The following HMCN1 variants were observed in gnomAD, a reference collection of about 807,000 sequenced individuals.
HMCN1 encodes hemicentin-1.
A neutral mutation model predicts 625.9 loss-of-function variants in HMCN1; 321 were observed. That is an observed-to-expected ratio of 0.51 (90% CI 0.47 to 0.56). The LOEUF is 0.56. HMCN1 is among the 20% of genes least tolerant of loss of function. HMCN1 has a pLI of 0.00. For missense variants in HMCN1, 6,588 were observed against 6,887.3 expected, an observed-to-expected ratio of 0.96 and a Z score of 1.54; for synonymous variants, 2,425 against 2,417.6, an observed-to-expected ratio of 1.00 and a Z score of -0.09.
At chr1:185,762,249 T>TG (rs1655560069) in intron 1 of HMCN1, among the ~76,000 whole-genome samples, 1 of 152,208 alleles carries the variant, frequency 6.6e-6, no homozygotes, top group Non-Finnish European at 1.5e-5. Context: ...AAGATCTCCA[T>TG]ATATTTTTTA....
intron 1 of HMCN1, among the ~76,000 whole-genome samples, chr1:185,790,699 C>T (rs1657928016): frequency 6.6e-6 from 1 of 152,160 alleles, no homozygotes; most frequent in Non-Finnish European, 1.5e-5. Flanking sequence ...GCATCCCTGG[C>T]CTCCAGGCAC....
At chr1:185,818,090 A>G (rs987331435) in intron 1 of HMCN1, among the ~76,000 whole-genome samples, 7 of 149,542 alleles carry the variant, frequency 4.7e-5, no homozygotes, top group Non-Finnish European at 9.0e-5. Context: ...AGATTTCCCC[A>G]CCTTTATGAG....
chr1:186,119,439 T>A, intron 78 of HMCN1, 141 bp downstream of exon 78: 1 of 757,230 alleles, frequency 1.3e-6, no homozygotes, highest in Non-Finnish European at 2.3e-6. Flanking sequence ...TGGTAGATAC[T>A]TTTAATAGGC....
chr1:185,926,171 G>T (rs1667267776), intron 9 of HMCN1, among the ~76,000 whole-genome samples: 1 of 152,110 alleles, frequency 6.6e-6, no homozygotes, highest in Non-Finnish European at 1.5e-5. Flanking sequence ...GAAAATCTCT[G>T]GGAATTATTG....
intron 36 of HMCN1, among the ~76,000 whole-genome samples, chr1:186,037,031 T>A (rs1655874905): frequency 6.6e-6 from 1 of 152,210 alleles, no homozygotes. Flanking sequence ...TTTTCTTGTT[T>A]TCTTTCCTTC....
intron 3 of HMCN1, 60 bp downstream of exon 3, chr1:185,864,688 T>G: frequency 1.3e-6 from 2 of 1,503,128 alleles, no homozygotes; most frequent in South Asian, 2.3e-5. Flanking sequence ...AGATTGCCTG[T>G]CCTCTTTGAC....
intron 11 of HMCN1, among the ~76,000 whole-genome samples, chr1:185,947,686 G>C (rs982788383): frequency 6.6e-6 from 1 of 152,130 alleles, no homozygotes; most frequent in African/African-American, 2.4e-5. Flanking sequence ...TGGTTTGTTT[G>C]GTTGATTGGT....
At chr1:186,184,529 C>T (rs926375899) in intron 105 of HMCN1, among the ~76,000 whole-genome samples, 3 of 151,984 alleles carry the variant, frequency 2.0e-5, no homozygotes, top group African/African-American at 7.2e-5. Flanking sequence ...ACTAAAGGAC[C>T]CTTATGCTAA....
At chr1:186,073,298 G>A (rs955334605) in intron 52 of HMCN1, among the ~76,000 whole-genome samples, 1 of 152,140 alleles carries the variant, frequency 6.6e-6, no homozygotes, top group African/African-American at 2.4e-5. Context: ...GGTGACCTTG[G>A]CAAAGAATTT....
Position 185,842,188 on chromosome 1 carries a change from G to A in HMCN1, c.269-3838G>A, listed in dbSNP as rs189158750. ...CTAGACTGGTGAGACTTTGAGGACA[G>A]GGTCCATGTTCATTCATCTTTATAT... On this transcript the variant is annotated intron_variant, in intron 1 of 106. Coordinates refer to ENST00000271588, the MANE Select transcript of HMCN1 (RefSeq NM_031935.3). Among the ~76,000 whole-genome samples, 117 of 152,284 alleles carry A rather than the reference G, an allele frequency of 7.7e-4. 1 individual carries two copies. The highest frequency in any genetic ancestry group is 8.3e-4 in the South Asian group (4 of 4,826).
At chr1:185,930,794 G>T (rs1290016368) in intron 10 of HMCN1, among the ~76,000 whole-genome samples, 1 of 152,004 alleles carries the variant, frequency 6.6e-6, no homozygotes, top group African/African-American at 2.4e-5. Flanking sequence ...GAATAAAACT[G>T]CAGAAGCATG....
chr1:186,104,166 G>A (rs552790473), intron 69 of HMCN1, among the ~76,000 whole-genome samples: 4 of 152,170 alleles, frequency 2.6e-5, no homozygotes, highest in Non-Finnish European at 5.9e-5. Flanking sequence ...TAAAAGAGAA[G>A]TATGTCTGGG....
intron 22 of HMCN1, 37 bp downstream of exon 22, chr1:185,990,480 A>G (rs760544406): frequency 6.3e-7 from 1 of 1,580,054 alleles, no homozygotes; most frequent in Non-Finnish European, 8.7e-7. Context: ...ACATGAAAAC[A>G]TAATCAACCT....
intron 96 of HMCN1, 48 bp downstream of exon 96, chr1:186,152,919 G>T (rs752553095): frequency 2.2e-5 from 36 of 1,608,946 alleles, no homozygotes; most frequent in Non-Finnish European, 3.1e-5. Context: ...GAGTAATGAT[G>T]AGTGAAAGGT....
At position 186,152,878 on chromosome 1, in the gene HMCN1, T is replaced by A. The variant is rs886045687; in HGVS notation, c.15018+7T>A. The stretch of plus-strand genomic sequence containing the variant: ...TGCTGAAGTCACTGTAAAGGTAAAA[T>A]GCCAGGATAACTTGTCTTTGCTGCT... On this transcript the variant is annotated splice_region_variant and intron_variant, in intron 96 of 106. Coordinates refer to ENST00000271588, the MANE Select transcript of HMCN1 (RefSeq NM_031935.3). 1.2e-6 allele frequency: 2 copies of A among 1,613,666 alleles called. No homozygotes were observed. The highest frequency in any genetic ancestry group is 2.2e-5 in the East Asian group (1 of 44,856).
rs766931135 is a variant in HMCN1 at position 186,119,311 on chromosome 1, A to G, written c.11956+13A>G. The G allele has an allele frequency of 1.3e-6, 2 of 1,597,198 alleles. No homozygotes were observed. The highest frequency in any genetic ancestry group is 1.7e-5 in the Admixed American group (1 of 59,974). On this transcript the variant is annotated intron_variant, in intron 78 of 106. Coordinates refer to ENST00000271588, the MANE Select transcript of HMCN1 (RefSeq NM_031935.3). ...CTTCATGTTCATGGTATGGAAGGCT[A>G]TTTACTCATTCAAAGTTCGCTGGGT...
chr1:186,093,280 C>A (rs1558217451), intron 65 of HMCN1, 22 bp downstream of exon 65: 2 of 1,613,162 alleles, frequency 1.2e-6, no homozygotes, highest in Non-Finnish European at 1.7e-6. Context: ...ATATCCCCCT[C>A]TTTTGATGAT....
In HMCN1 at chr1:186,177,654, A is replaced by AT. The variant is rs138204770; in HGVS notation, c.15944-762_15944-761insT. Among the ~76,000 whole-genome samples, 894 of 152,292 alleles carry AT rather than the reference A, an allele frequency of 5.9e-3. 12 individuals are homozygous for AT. Among genetic ancestry groups the AT allele is most frequent in the African/African-American group, 0.02 (829 of 41,560 alleles). ...AATAAAAATTTTAAAATAAACATAA[A>AT]AGTAGTTACTTTTTTAAAATTATAT... On this transcript the variant is annotated intron_variant, in intron 103 of 106. Coordinates refer to ENST00000271588, the MANE Select transcript of HMCN1 (RefSeq NM_031935.3).
chr1:185,924,215 CTTTTT>C (rs58164381), intron 8 of HMCN1, among the ~76,000 whole-genome samples: 45 of 43,632 alleles, frequency 1.0e-3, no homozygotes, highest in African/African-American at 1.9e-3. Context: ...CTGACCCAAT[CTTTTT>C]TTTTTTTTTT....
Sources: allele counts gnomAD v4.1 joint callset (sites outside exome capture counted in the v4.1 genomes callset), GRCh38; gene constraint gnomAD v4.1.1; transcripts MANE v1.5; gene names NCBI Gene and HGNC (gene_info 2026-07-23, HGNC 2026-07-21).